Variants in SECISBP2L observed in about 807,000 individuals in gnomAD.
SECISBP2L encodes the protein SECIS binding protein 2 like, also known as selenocysteine insertion sequence-binding protein 2-like.
A neutral mutation model predicts 114.7 loss-of-function variants in SECISBP2L; 43 were observed. The observed-to-expected ratio is 0.38, with a 90% CI of 0.29 to 0.48. SECISBP2L has a LOEUF of 0.48. Ranked by LOEUF, SECISBP2L falls within the 20% of genes least tolerant of loss-of-function variation. The pLI, the probability that SECISBP2L is intolerant of heterozygous loss-of-function variation, is 0.98. For missense variants in SECISBP2L, 1,136 were observed against 1,301.1 expected, an observed-to-expected ratio of 0.87 and a Z score of 1.95; for synonymous variants, 451 against 439.7, an observed-to-expected ratio of 1.03 and a Z score of -0.32.
In SECISBP2L at chr15:49,037,611, C is replaced by G; in HGVS notation, c.183G>C (p.Val61=). The change falls in exon 2 of 18, where the codon GTG becomes GTC. Residue 61 remains valine, a synonymous_variant. Transcript: ENST00000559471. The stretch of plus-strand genomic sequence containing the variant: ...ATTACCTATTGGACTGGTTTTCCTG[C>G]ACAAATGGGTAACAAGTAATCAGGT... The part of the protein sequence containing the change: ...PSYLITCYPF[V]QENQSNRQFP... The G allele has an allele frequency of 6.2e-7, 1 of 1,613,494 alleles. No homozygotes were observed. Among genetic ancestry groups the G allele is most frequent in the Non-Finnish European group, 8.5e-7 (1 of 1,179,820 alleles).
intron 1 of SECISBP2L, among the ~76,000 whole-genome samples, chr15:49,045,994 G>A (rs1433856535): frequency 6.6e-6 from 1 of 152,232 alleles, no homozygotes; most frequent in African/African-American, 2.4e-5. Flanking sequence ...CCTCCCAGGA[G>A]AGCAGGGACA....
intron 7 of SECISBP2L, among the ~76,000 whole-genome samples, chr15:49,024,086 TA>T (rs1690431576): frequency 6.6e-6 from 1 of 152,064 alleles, no homozygotes; most frequent in African/African-American, 2.4e-5. Context: ...AGAAATGATC[TA>T]TATTACCCAA....
chr15:49,002,938 T>G (rs947317869), intron 14 of SECISBP2L, among the ~76,000 whole-genome samples: 2 of 152,212 alleles, frequency 1.3e-5, no homozygotes, highest in Non-Finnish European at 2.9e-5. Flanking sequence ...TATGGGCTCT[T>G]TTTTGGTTCC....
At chr15:49,039,435 T>C (rs1195696946) in intron 1 of SECISBP2L, among the ~76,000 whole-genome samples, 2 of 151,634 alleles carry the variant, frequency 1.3e-5, no homozygotes, top group Admixed American at 6.6e-5. Context: ...GCTTGCTTTA[T>C]ACAGTTCACA....
At chr15:48,996,850 C>T (rs1902102625) in intron 16 of SECISBP2L, among the ~76,000 whole-genome samples, 1 of 152,210 alleles carries the variant, frequency 6.6e-6, no homozygotes, top group Admixed American at 6.5e-5. Flanking sequence ...AGTTCTTACA[C>T]TATTCAACAA....
chr15:49,006,732 T>G (rs1902331509), intron 14 of SECISBP2L, among the ~76,000 whole-genome samples: 1 of 152,106 alleles, frequency 6.6e-6, no homozygotes, highest in South Asian at 2.1e-4. Context: ...TAACATTGAA[T>G]TAGAACATAC....
At chr15:49,016,441 T>C (rs567571925) in intron 11 of SECISBP2L, 119 bp downstream of exon 11, 203 of 802,980 alleles carry the variant, frequency 2.5e-4, no homozygotes, top group East Asian at 1.1e-3. Flanking sequence ...TACATATATA[T>C]ACACACACAC....
Position 49,028,635 on chromosome 15 carries a change from T to C in SECISBP2L, c.712A>G (p.Thr238Ala), listed in dbSNP as rs377504122. 1.1e-4 allele frequency: 182 copies of C among 1,614,210 alleles called. 1 individual carries two copies. Among genetic ancestry groups the C allele is most frequent in the African/African-American group, 2.0e-4 (15 of 75,058 alleles). The change falls in exon 5 of 18, where the codon ACA becomes GCA. Residue 238 changes from threonine to alanine, a missense_variant. Physicochemically the swap from Thr to Ala is moderately conservative, Grantham distance 58 (BLOSUM62 0). Coordinates refer to ENST00000559471, the MANE Select transcript of SECISBP2L (RefSeq NM_001193489.2). Reference protein sequence around the residue: ...ANKSLSETTATMLWKSKGRRR... With the variant: ...ANKSLSETTAAMLWKSKGRRR... ...CTGCCCTTGGACTTCCAGAGCATTGTTGCAGTGGTCTCTGAGAGAGACTTG... is the reference window on the plus strand; with the variant it reads ...CTGCCCTTGGACTTCCAGAGCATTGCTGCAGTGGTCTCTGAGAGAGACTTG...
intron 14 of SECISBP2L, among the ~76,000 whole-genome samples, chr15:49,007,866 G>A (rs1902355999): frequency 6.6e-6 from 1 of 152,176 alleles, no homozygotes; most frequent in Non-Finnish European, 1.5e-5. Context: ...TATGGCTATG[G>A]AGGATGAACT....
At chr15:48,996,149 A>C (rs955723550) in intron 17 of SECISBP2L, 4 of 503,360 alleles carry the variant, frequency 7.9e-6, no homozygotes, top group African/African-American at 7.7e-5. Flanking sequence ...CTTTTTATAA[A>C]GATTTGGAAC....
At chr15:49,008,855 T>C (rs1037702403) in intron 14 of SECISBP2L, among the ~76,000 whole-genome samples, 1 of 152,184 alleles carries the variant, frequency 6.6e-6, no homozygotes, top group Non-Finnish European at 1.5e-5. Flanking sequence ...TATTAATTGG[T>C]TAGAGTGATC....
chr15:49,035,683 CAA>C, intron 2 of SECISBP2L, 25 bp from the exon 3 acceptor site: 1 of 1,579,582 alleles, frequency 6.3e-7, no homozygotes, highest in Non-Finnish European at 8.6e-7. Context: ...CAAAGAAGAA[CAA>C]ATCTATTGAC....
At chr15:49,030,772 G>A (rs1286229501) in intron 4 of SECISBP2L, among the ~76,000 whole-genome samples, 2 of 152,096 alleles carry the variant, frequency 1.3e-5, no homozygotes, top group Non-Finnish European at 2.9e-5. Context: ...CCATATACAT[G>A]TTTTCATACA....
At chr15:49,005,056 G>A (rs761328987) in intron 14 of SECISBP2L, among the ~76,000 whole-genome samples, 8 of 152,204 alleles carry the variant, frequency 5.3e-5, no homozygotes, top group African/African-American at 1.4e-4. Flanking sequence ...TTGGCTGGGC[G>A]CAGTGGCTCA....
chr15:49,015,725 C>T (rs1237272668), intron 11 of SECISBP2L, among the ~76,000 whole-genome samples: 2 of 152,000 alleles, frequency 1.3e-5, no homozygotes, highest in Admixed American at 6.6e-5. Context: ...TTCTCATATA[C>T]ACACACACAC....
At position 49,016,991 on chromosome 15, in the gene SECISBP2L, G is replaced by A; in HGVS notation, c.1276C>T (p.Pro426Ser). The change falls in exon 10 of 18, where the codon CCA (proline) becomes TCA (serine). Residue 426 changes from proline (P) to serine (S), a missense_variant. By Grantham distance (74) the Pro-to-Ser change is moderately conservative. Transcript: ENST00000559471. ...ATTGGAGTCTGAACTATATTGATTG[G>A]TGAGTTTTCAGGTAAATCATCCAAC... ...KVLDDLPENSPINIVQTPIPI... is the reference protein window; with the variant it reads ...KVLDDLPENSSINIVQTPIPI... The A allele has an allele frequency of 6.2e-7, 1 of 1,612,680 alleles. No homozygotes were observed. Among genetic ancestry groups the A allele is most frequent in the Non-Finnish European group, 8.5e-7 (1 of 1,179,532 alleles).
intron 1 of SECISBP2L, among the ~76,000 whole-genome samples, chr15:49,039,594 G>A (rs1595797678): frequency 6.6e-6 from 1 of 150,564 alleles, no homozygotes; most frequent in African/African-American, 2.5e-5. Context: ...GGGTGCAGTG[G>A]TGTCATCATG....
intron 7 of SECISBP2L, among the ~76,000 whole-genome samples, chr15:49,022,003 A>G (rs1039322334): frequency 6.6e-6 from 1 of 152,252 alleles, no homozygotes. Context: ...TAAAAATTTT[A>G]AAGTTTTCAT....
At chr15:49,035,753 C>T (rs1366997108) in intron 2 of SECISBP2L, 95 bp from the exon 3 acceptor site, 1 of 1,105,238 alleles carries the variant, frequency 9.0e-7, no homozygotes, top group African/African-American at 1.6e-5. Flanking sequence ...AAAGACAAAA[C>T]AGAACAGTGG....
Sources: allele counts gnomAD v4.1 joint callset (sites outside exome capture counted in the v4.1 genomes callset), GRCh38; gene constraint gnomAD v4.1.1; transcripts MANE v1.5; gene names NCBI Gene and HGNC (gene_info 2026-07-23, HGNC 2026-07-21).